Variants in ADAD1 observed in about 807,000 individuals in gnomAD.
ADAD1 encodes the protein adenosine deaminase domain containing 1.
ADAD1 carries 46 observed loss-of-function variants against 66.8 expected under a neutral mutation model. The ratio of observed to expected loss-of-function variants is 0.69; its 90% CI spans 0.54 to 0.88. ADAD1 has a LOEUF of 0.88. Among genes scored for constraint, ADAD1 ranks in the 40% least tolerant of loss-of-function variants. ADAD1 has a pLI of 0.00. For synonymous variants in ADAD1, 248 were observed against 229.4 expected (o/e 1.08, Z -0.73); for missense variants, 617 against 681.8 (o/e 0.91, Z 1.06).
At chr4:122,380,380 C>G in intron 3 of ADAD1, 139 bp downstream of exon 3, 2 of 1,017,736 alleles carry the variant, frequency 2.0e-6, no homozygotes. Context: ...GAGCTGGCAT[C>G]TGACTCAACA....
intron 11 of ADAD1, among the ~76,000 whole-genome samples, chr4:122,418,191 A>G (rs1796831062): frequency 6.6e-6 from 1 of 152,096 alleles, no homozygotes; most frequent in Non-Finnish European, 1.5e-5. Context: ...ATCATAAGCT[A>G]TTTTAGGTAA....
chr4:122,384,023 A>T, intron 5 of ADAD1, 57 bp downstream of exon 5: 5 of 1,421,790 alleles, frequency 3.5e-6, no homozygotes, highest in Non-Finnish European at 4.7e-6. Flanking sequence ...AAAAGGAATC[A>T]CCTGAAAGAT....
intron 8 of ADAD1, 38 bp from the exon 9 acceptor site, chr4:122,411,182 TAA>T: frequency 6.8e-7 from 1 of 1,462,828 alleles, no homozygotes; most frequent in Non-Finnish European, 9.2e-7. Context: ...ATATCTTTTA[TAA>T]AGTTTATTAC....
intron 5 of ADAD1, among the ~76,000 whole-genome samples, chr4:122,384,523 G>A (rs1166708607): frequency 2.0e-5 from 3 of 152,104 alleles, no homozygotes; most frequent in Non-Finnish European, 4.4e-5. Context: ...GTTGTCATTA[G>A]GATTAGATAA....
chr4:122,380,673 A>G lies in ADAD1; in HGVS notation c.173-319A>G, dbSNP rs45622139. 9.7e-3 allele frequency among the ~76,000 whole-genome samples: 1,478 copies of G among 152,272 alleles called. 15 individuals are homozygous for G. Among genetic ancestry groups the G allele is most frequent in the Non-Finnish European group, 0.014 (976 of 68,014 alleles). Reference sequence around the variant, plus strand: ...TAGTCCCAGATCTGTGTCTTTCTGTATTCTAGGCCTTAGTGATATTATCTG... The same window carrying G: ...TAGTCCCAGATCTGTGTCTTTCTGTGTTCTAGGCCTTAGTGATATTATCTG... On this transcript the variant is annotated intron_variant, in intron 3 of 12. Coordinates refer to ENST00000296513, the MANE Select transcript of ADAD1 (RefSeq NM_139243.4).
chr4:122,418,092 ATTAC>A (rs1034867670), intron 11 of ADAD1, among the ~76,000 whole-genome samples: 4 of 152,046 alleles, frequency 2.6e-5, no homozygotes, highest in Middle Eastern at 3.2e-3. Flanking sequence ...AAAAGTCAGA[ATTAC>A]TTATGAAATG....
chr4:122,422,544 A>G (rs1037817211), intron 12 of ADAD1, among the ~76,000 whole-genome samples: 3 of 152,200 alleles, frequency 2.0e-5, no homozygotes, highest in African/African-American at 7.2e-5. Context: ...AATTTTACCA[A>G]CTTAATGCTC....
chr4:122,392,100 A>G lies in ADAD1; in HGVS notation c.530-1489A>G, dbSNP rs149146659. Among the ~76,000 whole-genome samples, 390 of 152,340 alleles carry G rather than the reference A, an allele frequency of 2.6e-3. 3 individuals carry two copies. Among genetic ancestry groups the G allele is most frequent in the African/African-American group, 7.7e-3 (322 of 41,580 alleles). ...ATTTATGCCTAATAAACAGGATTTA[A>G]TATCTTTAATTTTCATTCCATGGAA... On this transcript the variant is annotated intron_variant, in intron 5 of 12. Transcript: ENST00000296513.
At chr4:122,395,182 C>G (rs1269276270) in intron 6 of ADAD1, among the ~76,000 whole-genome samples, 2 of 152,022 alleles carry the variant, frequency 1.3e-5, no homozygotes, top group Non-Finnish European at 2.9e-5. Context: ...TCCCAAGTAG[C>G]TGGGATTACA....
intron 5 of ADAD1, among the ~76,000 whole-genome samples, chr4:122,386,602 T>G (rs1795185040): frequency 6.6e-6 from 1 of 152,220 alleles, no homozygotes; most frequent in Admixed American, 6.5e-5. Flanking sequence ...TAACATGAAG[T>G]CTTTGCCCAT....
At chr4:122,401,652 T>G (rs1357756409) in intron 7 of ADAD1, among the ~76,000 whole-genome samples, 1 of 152,114 alleles carries the variant, frequency 6.6e-6, no homozygotes, top group East Asian at 1.9e-4. Flanking sequence ...GTAGTAGTAA[T>G]TATTTTATAA....
intron 10 of ADAD1, among the ~76,000 whole-genome samples, chr4:122,414,285 G>GC (rs1394590723): frequency 9.9e-6 from 1 of 101,450 alleles, no homozygotes; most frequent in Admixed American, 9.8e-5. Context: ...TGGGGGGGGG[G>GC]GTACAACTAC....
At chr4:122,400,367 T>C in intron 7 of ADAD1, among the ~76,000 whole-genome samples, 1 of 152,160 alleles carries the variant, frequency 6.6e-6, no homozygotes, top group Non-Finnish European at 1.5e-5. Flanking sequence ...CACTTGATCA[T>C]GGTATATGAT....
intron 12 of ADAD1, among the ~76,000 whole-genome samples, chr4:122,427,756 G>C (rs146270714): frequency 6.6e-6 from 1 of 151,808 alleles, no homozygotes; most frequent in South Asian, 2.1e-4. Flanking sequence ...GGCAGGTCTC[G>C]AACTTCTGAC....
chr4:122,387,099 C>T (rs567024230), intron 5 of ADAD1, among the ~76,000 whole-genome samples: 4 of 147,736 alleles, frequency 2.7e-5, no homozygotes, highest in Non-Finnish European at 4.5e-5. Context: ...GCGAAAGTAG[C>T]ATTGAATCTA....
intron 12 of ADAD1, among the ~76,000 whole-genome samples, chr4:122,421,693 A>G (rs924434154): frequency 6.6e-6 from 1 of 152,104 alleles, no homozygotes; most frequent in African/African-American, 2.4e-5. Context: ...TTTATTCTGT[A>G]TATGGTATTA....
intron 6 of ADAD1, among the ~76,000 whole-genome samples, chr4:122,394,530 A>G (rs1437872264): frequency 6.6e-6 from 1 of 152,182 alleles, no homozygotes; most frequent in Non-Finnish European, 1.5e-5. Flanking sequence ...GGCCTTGCAC[A>G]TTTGTGTGCT....
At position 122,423,411 on chromosome 4, in the gene ADAD1, C is replaced by T. The variant is rs748406848; in HGVS notation, c.1617+2021C>T. ...TTTCCTGGCTGACTGAAAAACTACA[C>T]TCATGTGCAGGGAATACCCAAGAGA... is the stretch of plus-strand genomic sequence containing the variant. On this transcript the variant is annotated intron_variant, in intron 12 of 12. Transcript: ENST00000296513. Among the ~76,000 whole-genome samples, 73 of 152,168 alleles carry T rather than the reference C, an allele frequency of 4.8e-4. 1 individual carries two copies. Among genetic ancestry groups the T allele is most frequent in the Non-Finnish European group, 1.2e-4 (8 of 68,030 alleles).
At position 122,393,578 on chromosome 4, in the gene ADAD1, T is replaced by G; in HGVS notation, c.530-11T>G. 6.3e-7 allele frequency: 1 copy of G among 1,577,976 alleles called. No homozygotes were observed. The highest frequency in any genetic ancestry group is 8.6e-7 in the Non-Finnish European group (1 of 1,166,652). On this transcript the variant is annotated splice_polypyrimidine_tract_variant and intron_variant, in intron 5 of 12. Transcript: ENST00000296513. Reference sequence around the variant, plus strand: ...GTTTCATGTTTCCTTATGTTTTTGTTTTGTTTACAGGTCCTCCTCCTTTCC... The same window carrying G: ...GTTTCATGTTTCCTTATGTTTTTGTGTTGTTTACAGGTCCTCCTCCTTTCC...
Sources: gnomAD v4.1 joint callset for allele counts (sites outside exome capture counted in the v4.1 genomes callset) on GRCh38, gnomAD v4.1.1 for gene constraint, MANE v1.5 for transcripts, NCBI Gene and HGNC (gene_info 2026-07-23, HGNC 2026-07-21) for gene names.